Variants in NTN1 observed in about 807,000 individuals in gnomAD.
The protein encoded by NTN1 is netrin 1.
NTN1 carries 11 observed loss-of-function variants against 54.2 expected under a neutral mutation model. The observed-to-expected ratio is 0.20, with a 90% CI of 0.13 to 0.34. The LOEUF is 0.34. Ranked by LOEUF, NTN1 falls within the 10% of genes least tolerant of loss-of-function variation. NTN1 has a pLI of 1.00. For synonymous variants in NTN1, 371 were observed against 382.0 expected, an observed-to-expected ratio of 0.97 and a Z score of 0.33; for missense variants, 740 against 893.1, an observed-to-expected ratio of 0.83 and a Z score of 2.18.
At chr17:9,215,366 G>A (rs1279078673) in intron 5 of NTN1, among the ~76,000 whole-genome samples, 3 of 151,698 alleles carry the variant, frequency 2.0e-5, no homozygotes, top group Admixed American at 2.0e-4. Context: ...TTTGATATTT[G>A]CATTATGTTT....
At chr17:9,199,064 C>G (rs1262531092) in intron 5 of NTN1, among the ~76,000 whole-genome samples, 1 of 152,220 alleles carries the variant, frequency 6.6e-6, no homozygotes, top group African/African-American at 2.4e-5. Context: ...TCTCACAACC[C>G]TGTATTGGTC....
chr17:9,184,400 C>G (rs923998759), intron 5 of NTN1, among the ~76,000 whole-genome samples: 6 of 152,258 alleles, frequency 3.9e-5, no homozygotes, highest in South Asian at 2.1e-4. Context: ...AGGAAGCTCT[C>G]TCTGTCACAG....
At chr17:9,206,417 C>T (rs1013581026) in intron 5 of NTN1, among the ~76,000 whole-genome samples, 1 of 152,202 alleles carries the variant, frequency 6.6e-6, no homozygotes, top group African/African-American at 2.4e-5. Context: ...AGTGCAGCCC[C>T]CAACCTCTCC....
chr17:9,141,052 A>G lies in NTN1; in HGVS notation c.1019-21761A>G, dbSNP rs143264254. Among the ~76,000 whole-genome samples the G allele has an allele frequency of 2.4e-3, 365 of 152,270 alleles. 4 individuals carry two copies. Among genetic ancestry groups the G allele is most frequent in the Middle Eastern group, 0.01 (3 of 294 alleles). Reference sequence around the variant, plus strand: ...AAGACAACTGGATTTGGGAGGGAATATCATGGCTTTGATCTTAGACACCAT... The same window carrying G: ...AAGACAACTGGATTTGGGAGGGAATGTCATGGCTTTGATCTTAGACACCAT... On this transcript the variant is annotated intron_variant, in intron 2 of 6. Transcript: ENST00000173229.
In NTN1 at chr17:9,067,184, T is replaced by C. The variant is rs182185161; in HGVS notation, c.1018+43793T>C. On this transcript the variant is annotated intron_variant, in intron 2 of 6. Coordinates refer to ENST00000173229, the MANE Select transcript of NTN1 (RefSeq NM_004822.3). Reference sequence around the variant, plus strand: ...TGGGAGGCTGAGGCATGAGAATTGCTTGAACCCAGGAGGCGGAGGTTGCAG... The same window carrying C: ...TGGGAGGCTGAGGCATGAGAATTGCCTGAACCCAGGAGGCGGAGGTTGCAG... 3.3e-5 allele frequency among the ~76,000 whole-genome samples: 5 copies of C among 151,654 alleles called. No individual in the cohort carries two copies. In the East Asian group the frequency reaches 9.7e-4, roughly 29 times the overall value.
chr17:9,153,427 C>G (rs1444887230), intron 2 of NTN1, among the ~76,000 whole-genome samples: 1 of 152,132 alleles, frequency 6.6e-6, no homozygotes, highest in Non-Finnish European at 1.5e-5. Context: ...CCAGCCTGGG[C>G]AACAGAACAA....
At chr17:9,141,299 G>A (rs1485391358) in intron 2 of NTN1, among the ~76,000 whole-genome samples, 2 of 152,030 alleles carry the variant, frequency 1.3e-5, no homozygotes, top group African/African-American at 2.4e-5. Context: ...TAATGAGGGG[G>A]GGGAGAAGGG....
rs1906205927 is a variant in NTN1 at position 9,241,325 on chromosome 17, C to T, written c.*1357C>T. 2 of 152,622 alleles carry T rather than the reference C, an allele frequency of 1.3e-5. No homozygotes were observed. Among genetic ancestry groups the T allele is most frequent in the African/African-American group, 2.4e-5 (1 of 41,460 alleles). The allele number at this position is 152,622 out of a possible 1,614,324, so 9.5% of individuals were successfully genotyped here. On this transcript the variant is annotated 3_prime_UTR_variant, in exon 7 of 7. Coordinates refer to ENST00000173229, the MANE Select transcript of NTN1 (RefSeq NM_004822.3). ...TTCCAGACGGTCTTTGTGGAGTCTG[C>T]CCGTGCCCTCCACTGTGCCCCAGCC...
At position 9,166,411 on chromosome 17, in the gene NTN1, G is replaced by C. The variant is rs532042748; in HGVS notation, c.1207+3410G>C. On this transcript the variant is annotated intron_variant, in intron 3 of 6. Coordinates refer to ENST00000173229, the MANE Select transcript of NTN1 (RefSeq NM_004822.3). ...GGCTGGAGTGCAGTGGTGCAATCTC[G>C]GCTCACTGCAACCTCTGCCTCCCAG... Among the ~76,000 whole-genome samples the C allele has an allele frequency of 5.3e-4, 75 of 141,316 alleles. 2 individuals are homozygous for C. The highest frequency in any genetic ancestry group is 1.8e-3 in the African/African-American group (68 of 37,716). The allele number at this position is 141,316 out of a possible 152,430, so 92.7% of individuals were successfully genotyped here.
At chr17:9,203,209 CCA>C (rs1228208620) in intron 5 of NTN1, among the ~76,000 whole-genome samples, 1 of 152,182 alleles carries the variant, frequency 6.6e-6, no homozygotes, top group African/African-American at 2.4e-5. Context: ...GTGTGAGCCA[CCA>C]TGCCCGGCTG....
chr17:9,177,867 A>C (rs1207778601), intron 3 of NTN1: 1 of 152,270 alleles, frequency 6.6e-6, no homozygotes, highest in Non-Finnish European at 1.5e-5. Flanking sequence ...ACTTGAATTT[A>C]GGGTACATCT....
Position 9,243,042 on chromosome 17 carries a change from T to C in NTN1, c.*3074T>C, listed in dbSNP as rs1460782177. 1 of 145,402 alleles carries C rather than the reference T, an allele frequency of 6.9e-6. No homozygotes were observed. Among genetic ancestry groups the C allele is most frequent in the Non-Finnish European group, 1.5e-5 (1 of 68,012 alleles). 9.0% of individuals were successfully genotyped at this position (145,402 alleles called of 1,614,324 possible). On this transcript the variant is annotated 3_prime_UTR_variant, in exon 7 of 7. Transcript: ENST00000173229. ...TTTGTTTTTGAAACAGCTTCCCCAG[T>C]TGTCCTTTTTCTTACCAGCTGGGTG...
chr17:9,038,691 A>G (rs2091911608), intron 2 of NTN1, among the ~76,000 whole-genome samples: 1 of 152,050 alleles, frequency 6.6e-6, no homozygotes, highest in South Asian at 2.1e-4. Flanking sequence ...ACACCTCATG[A>G]TCACTGGGGT....
intron 2 of NTN1, among the ~76,000 whole-genome samples, chr17:9,128,249 G>A (rs554443519): frequency 6.6e-6 from 1 of 151,528 alleles, no homozygotes; most frequent in African/African-American, 2.4e-5. Context: ...GGCGGAGGTT[G>A]CAGTGAGCTG....
chr17:9,203,670 G>A (rs1203051889), intron 5 of NTN1, among the ~76,000 whole-genome samples: 1 of 152,096 alleles, frequency 6.6e-6, no homozygotes, highest in African/African-American at 2.4e-5. Flanking sequence ...AGGCGTGGTG[G>A]TGGGCGCCTG....
rs1180136945 is a variant in NTN1 at position 9,114,162 on chromosome 17, A to ATATAT, written c.1019-48651_1019-48650insTATAT. Among the ~76,000 whole-genome samples the ATATAT allele has an allele frequency of 3.4e-3, 287 of 84,100 alleles. 3 individuals are homozygous for ATATAT. Among genetic ancestry groups the ATATAT allele is most frequent in the African/African-American group, 0.013 (262 of 20,832 alleles). The allele number at this position is 84,100 out of a possible 152,430, so 55.2% of individuals were successfully genotyped here. On this transcript the variant is annotated intron_variant, in intron 2 of 6. Transcript: ENST00000173229. ...GGGTGCCAAAAAAAAAGAAAAAAAA[A>ATATAT]AAAAATATATATATATATATATATG...
intron 5 of NTN1, among the ~76,000 whole-genome samples, chr17:9,186,282 C>T (rs2092432671): frequency 1.3e-5 from 2 of 152,236 alleles, no homozygotes; most frequent in South Asian, 4.1e-4. Flanking sequence ...CCCTTGGCAG[C>T]TGATTCCACC....
chr17:9,100,807 T>C (rs1245939839), intron 2 of NTN1, among the ~76,000 whole-genome samples: 1 of 152,220 alleles, frequency 6.6e-6, no homozygotes, highest in African/African-American at 2.4e-5. Flanking sequence ...TTAGTTTTTA[T>C]GTCATCCTGT....
At chr17:9,144,292 A>G (rs1239425156) in intron 2 of NTN1, among the ~76,000 whole-genome samples, 1 of 151,966 alleles carries the variant, frequency 6.6e-6, no homozygotes, top group Admixed American at 6.6e-5. Flanking sequence ...GGTCTCCCAT[A>G]GCTGCCTGGA....
Sources: gnomAD v4.1 joint callset for allele counts (sites outside exome capture counted in the v4.1 genomes callset) on GRCh38, gnomAD v4.1.1 for gene constraint, MANE v1.5 for transcripts, NCBI Gene and HGNC (gene_info 2026-07-23, HGNC 2026-07-21) for gene names.